The following COP1 variants were observed in gnomAD, a reference collection of about 807,000 sequenced individuals.
COP1 encodes the protein COP1 E3 ubiquitin ligase, also known as E3 ubiquitin-protein ligase COP1.
A neutral mutation model predicts 101.3 loss-of-function variants in COP1; 24 were observed. The observed-to-expected ratio is 0.24, with a 90% confidence interval of 0.17 to 0.33. The LOEUF (loss-of-function observed/expected upper bound fraction) is 0.33. COP1 is among the 10% of genes least tolerant of loss of function. The pLI is 1.00. For missense variants in COP1, 663 were observed against 906.2 expected, an observed-to-expected ratio of 0.73 and a Z score of 3.45; for synonymous variants, 347 against 341.9, an observed-to-expected ratio of 1.01 and a Z score of -0.17.
intron 15 of COP1, among the ~76,000 whole-genome samples, chr1:176,006,907 T>C (rs915556147): frequency 6.6e-6 from 1 of 152,060 alleles, no homozygotes; most frequent in Non-Finnish European, 1.5e-5. Flanking sequence ...CCTTGCTAGA[T>C]TGGGGAAGTT....
In COP1 at chr1:175,989,417, G is replaced by A; in HGVS notation, c.1792C>T (p.His598Tyr). The A allele has an allele frequency of 6.2e-7, 1 of 1,610,728 alleles. No homozygotes were observed. Among genetic ancestry groups the A allele is most frequent in the Non-Finnish European group, 8.5e-7 (1 of 1,176,964 alleles). The change falls in exon 16 of 20, where the codon CAC (histidine) becomes TAC (tyrosine). Residue 598 changes from histidine (H) to tyrosine (Y), a missense_variant. Physicochemically the swap from His to Tyr is moderately conservative, Grantham distance 83. This residue lies in a region of COP1 where 209 missense variants were observed against 383.3 expected (regional missense o/e 0.55). Transcript: ENST00000367669. ...TKQPIMVFKG[H>Y]RKAVSYAKFV... is the part of the protein sequence containing the mutation. ...TTTGCATAAGAGACTGCTTTACGGT[G>A]TCCTTTGAATACCATGATTGGCTGT...
At chr1:176,086,654 G>T (rs543018820) in intron 9 of COP1, among the ~76,000 whole-genome samples, 230 of 152,096 alleles carry the variant, frequency 1.5e-3, no homozygotes, top group Non-Finnish European at 2.9e-3. Flanking sequence ...TGGATAGGAA[G>T]AATCAATATT....
chr1:176,050,910 A>G (rs1368412957), intron 11 of COP1, among the ~76,000 whole-genome samples: 1 of 152,234 alleles, frequency 6.6e-6, no homozygotes, highest in Non-Finnish European at 1.5e-5. Context: ...GCAAACTTGC[A>G]ATTTCAATTA....
chr1:176,161,398 A>G (rs1046754013), intron 5 of COP1, among the ~76,000 whole-genome samples: 2 of 152,056 alleles, frequency 1.3e-5, no homozygotes, highest in East Asian at 1.9e-4. Flanking sequence ...AGACTACTGT[A>G]GGCCAATATA....
At chr1:175,996,018 A>G (rs1198819607) in intron 15 of COP1, among the ~76,000 whole-genome samples, 1 of 152,188 alleles carries the variant, frequency 6.6e-6, no homozygotes, top group Non-Finnish European at 1.5e-5. Context: ...GGCAAAACGA[A>G]TCCAGCAGCA....
At position 175,992,900 on chromosome 1, in the gene COP1, A is replaced by T. The variant is rs536326923; in HGVS notation, c.1730-3421T>A. Among the ~76,000 whole-genome samples, 944 of 152,316 alleles carry T rather than the reference A, an allele frequency of 6.2e-3. 14 individuals carry two copies. Among genetic ancestry groups the T allele is most frequent in the African/African-American group, 0.021 (891 of 41,574 alleles). On this transcript the variant is annotated intron_variant, in intron 15 of 19. Transcript: ENST00000367669. ...CTTTGAAGAGAGCAGTGGTTCTCCC[A>T]GCATGCAGCTGGAGATCTGAGAACG... is the stretch of plus-strand genomic sequence containing the variant.
chr1:176,153,563 T>C (rs1027988905), intron 5 of COP1, among the ~76,000 whole-genome samples: 2 of 152,320 alleles, frequency 1.3e-5, no homozygotes, highest in African/African-American at 2.4e-5. Context: ...CTCTTCCTAT[T>C]TGGATCCCCT....
At chr1:176,039,075 C>A (rs1670074184) in intron 14 of COP1, among the ~76,000 whole-genome samples, 1 of 152,070 alleles carries the variant, frequency 6.6e-6, no homozygotes, top group African/African-American at 2.4e-5. Flanking sequence ...CATTCTGGGG[C>A]CATAAAACAC....
At chr1:176,061,706 T>C (rs1018764434) in intron 11 of COP1, among the ~76,000 whole-genome samples, 2 of 152,032 alleles carry the variant, frequency 1.3e-5, no homozygotes, top group African/African-American at 4.8e-5. Context: ...TAACTTGAAA[T>C]AGATTATAAG....
At chr1:176,105,400 A>G (rs1202184230) in intron 9 of COP1, among the ~76,000 whole-genome samples, 1 of 152,212 alleles carries the variant, frequency 6.6e-6, no homozygotes, top group Non-Finnish European at 1.5e-5. Context: ...TGAATATACT[A>G]TATTTTCAGT....
chr1:176,016,325 G>GA (rs1191678631), intron 15 of COP1, among the ~76,000 whole-genome samples: 1 of 151,740 alleles, frequency 6.6e-6, no homozygotes, highest in African/African-American at 2.4e-5. Flanking sequence ...TGGGAGAGGT[G>GA]AAAAAAAACC....
intron 18 of COP1, among the ~76,000 whole-genome samples, chr1:175,949,700 A>G (rs775459650): frequency 2.6e-5 from 4 of 152,232 alleles, no homozygotes; most frequent in Non-Finnish European, 5.9e-5. Context: ...TGCAGCCATC[A>G]TGAACTGCTC....
chr1:175,989,611 G>A, intron 15 of COP1, 132 bp from the exon 16 acceptor site: 2 of 559,312 alleles, frequency 3.6e-6, no homozygotes, highest in Non-Finnish European at 6.5e-6. Flanking sequence ...AGAAAACAAA[G>A]GAAAAGGAAT....
At chr1:175,960,584 C>G (rs998210024) in intron 18 of COP1, among the ~76,000 whole-genome samples, 12 of 151,894 alleles carry the variant, frequency 7.9e-5, no homozygotes, top group Admixed American at 7.9e-4. Context: ...TCAAAATTGT[C>G]AAAAATCATG....
intron 6 of COP1, among the ~76,000 whole-genome samples, chr1:176,143,146 A>AGAGAGAGCGAG (rs1553286862): frequency 9.8e-4 from 65 of 66,598 alleles, no homozygotes; most frequent in African/African-American, 3.1e-3. Context: ...GAGCGAGAGA[A>AGAGAGAGCGAG]AGAGAGAGAG....
chr1:176,009,897 T>G (rs991071505), intron 15 of COP1, among the ~76,000 whole-genome samples: 2 of 126,286 alleles, frequency 1.6e-5, no homozygotes, highest in Admixed American at 8.3e-5. Context: ...GGGTCCGCAA[T>G]AATTTTCTTT....
intron 9 of COP1, 46 bp from the exon 10 acceptor site, chr1:176,085,936 T>G: frequency 9.4e-7 from 1 of 1,060,124 alleles, no homozygotes; most frequent in Non-Finnish European, 1.4e-6. Flanking sequence ...AACAATACTC[T>G]TCTTTTGCAC....
chr1:175,953,722 C>T (rs1304267466), intron 18 of COP1, among the ~76,000 whole-genome samples: 2 of 148,988 alleles, frequency 1.3e-5, no homozygotes, highest in African/African-American at 2.5e-5. Flanking sequence ...ATTTGACCAG[C>T]GATAAAGACA....
intron 15 of COP1, among the ~76,000 whole-genome samples, chr1:176,020,771 T>C (rs1666628212): frequency 6.6e-6 from 1 of 152,218 alleles, no homozygotes; most frequent in Admixed American, 6.5e-5. Context: ...GATTTACTAT[T>C]TGAATTCATC....
Sources: gnomAD v4.1 joint callset for allele counts (sites outside exome capture counted in the v4.1 genomes callset) on GRCh38, gnomAD v4.1.1 for gene constraint, gnomAD v4.1.1 regional missense constraint, MANE v1.5 for transcripts, NCBI Gene and HGNC (gene_info 2026-07-23, HGNC 2026-07-21) for gene names.